The following DOCK3 variants were observed in gnomAD, a reference collection of about 807,000 sequenced individuals.
The protein encoded by DOCK3 is dedicator of cytokinesis protein 3.
A neutral mutation model predicts 265.6 loss-of-function variants in DOCK3; 60 were observed. That is an observed-to-expected ratio of 0.23 (90% CI 0.18 to 0.28). DOCK3 has a LOEUF of 0.28. DOCK3 is among the 10% of genes least tolerant of loss of function. The probability of loss-of-function intolerance (pLI) is 1.00; values close to 1 mark genes in which losing one functional copy is unlikely to be tolerated. For missense variants in DOCK3, 1,981 were observed against 2,594.3 expected (o/e 0.76, Z 5.14); for synonymous variants, 881 against 938.0 (o/e 0.94, Z 1.11).
At chr3:50,986,337 C>T (rs549432592) in intron 5 of DOCK3, among the ~76,000 whole-genome samples, 4 of 152,208 alleles carry the variant, frequency 2.6e-5, no homozygotes, top group Non-Finnish European at 5.9e-5. Context: ...CCCTTTAATG[C>T]TATCTAACAA....
At chr3:51,284,905 G>C (rs1490593893) in intron 27 of DOCK3, among the ~76,000 whole-genome samples, 9 of 152,170 alleles carry the variant, frequency 5.9e-5, no homozygotes, top group Admixed American at 3.3e-4. Context: ...AGAAAGCCAA[G>C]AGGTAGACAT....
At chr3:51,028,000 A>G (rs750606618) in intron 5 of DOCK3, among the ~76,000 whole-genome samples, 1 of 152,076 alleles carries the variant, frequency 6.6e-6, no homozygotes, top group Non-Finnish European at 1.5e-5. Flanking sequence ...GTTACTTTGT[A>G]GGCTGGAATG....
At chr3:50,787,602 C>G in intron 2 of DOCK3, 4 of 1,164,366 alleles carry the variant, frequency 3.4e-6, no homozygotes, top group Non-Finnish European at 5.0e-6. Flanking sequence ...GTGCTTCAGG[C>G]TCCTTTGTTT....
chr3:51,314,776 C>A (rs1029874254), intron 31 of DOCK3, among the ~76,000 whole-genome samples: 1 of 152,074 alleles, frequency 6.6e-6, no homozygotes, highest in African/African-American at 2.4e-5. Flanking sequence ...GTGACAGTTG[C>A]GCATTTGCTT....
chr3:50,733,371 A>G (rs1156906510), intron 1 of DOCK3, among the ~76,000 whole-genome samples: 1 of 152,034 alleles, frequency 6.6e-6, no homozygotes, highest in African/African-American at 2.4e-5. Context: ...TCCCCTTTAG[A>G]TCTGTTAATA....
intron 1 of DOCK3, among the ~76,000 whole-genome samples, chr3:50,698,539 T>TTTTTTTTTTTTTTTTTTTTTTTTTTTTTC (rs2035818370): frequency 7.9e-6 from 1 of 126,148 alleles, no homozygotes; most frequent in Non-Finnish European, 1.6e-5. Flanking sequence ...TTTTTTTTTT[T>TTTTTTTTTTTTTTTTTTTTTTTTTTTTTC]TTTGCTATAT....
intron 28 of DOCK3, 51 bp from the exon 29 acceptor site, chr3:51,311,953 A>G (rs112815690): frequency 4.3e-6 from 6 of 1,410,974 alleles, no homozygotes; most frequent in African/African-American, 1.4e-5. Flanking sequence ...AAGCCATCAG[A>G]TGCCATTGTT....
At chr3:50,875,529 A>G (rs1439270332) in intron 3 of DOCK3, among the ~76,000 whole-genome samples, 2 of 152,156 alleles carry the variant, frequency 1.3e-5, no homozygotes, top group African/African-American at 4.8e-5. Context: ...GAACTTTATC[A>G]AATGCTTTTT....
chr3:51,047,866 C>T (rs908918420), intron 5 of DOCK3, among the ~76,000 whole-genome samples: 1 of 152,068 alleles, frequency 6.6e-6, no homozygotes, highest in African/African-American at 2.4e-5. Flanking sequence ...GAAGGAGGAG[C>T]ACTTCCAACT....
At chr3:51,048,366 G>A (rs2080855774) in intron 5 of DOCK3, among the ~76,000 whole-genome samples, 2 of 152,084 alleles carry the variant, frequency 1.3e-5, no homozygotes, top group Admixed American at 1.3e-4. Flanking sequence ...CATGGTACAG[G>A]TTGAATATCC....
chr3:51,039,911 A>G (rs1159688450), intron 5 of DOCK3, among the ~76,000 whole-genome samples: 1 of 141,646 alleles, frequency 7.1e-6, no homozygotes, highest in Admixed American at 7.2e-5. Context: ...TTTTTAACAT[A>G]TAAGACCTCA....
At chr3:51,380,104 C>G in intron 51 of DOCK3, 21 bp from the exon 52 acceptor site, 1 of 1,609,852 alleles carries the variant, frequency 6.2e-7, no homozygotes, top group Non-Finnish European at 8.5e-7. Context: ...AGCTGAGGCT[C>G]TGGTTCTGTT....
intron 1 of DOCK3, among the ~76,000 whole-genome samples, chr3:50,773,593 A>C (rs1312805934): frequency 6.6e-6 from 1 of 152,070 alleles, no homozygotes; most frequent in Non-Finnish European, 1.5e-5. Flanking sequence ...GGCCTCGATA[A>C]AGAGTTTGTT....
intron 3 of DOCK3, among the ~76,000 whole-genome samples, chr3:50,889,444 T>C (rs183920325): frequency 1.0e-3 from 155 of 151,972 alleles, no homozygotes; most frequent in East Asian, 7.9e-3. Flanking sequence ...GAAACATTGA[T>C]TGGAAAACTG....
Position 51,361,734 on chromosome 3 carries a change from C to T in DOCK3, c.5007-125C>T. On this transcript the variant is annotated intron_variant, in intron 47 of 52. Transcript: ENST00000266037. The surrounding 1 kb of genome is among the most constrained non-coding windows in gnomAD (Gnocchi z 4.2). The stretch of plus-strand genomic sequence containing the variant: ...GGCCTCAGATGGGTATGAGCATTGA[C>T]TATGGAACCCTCCAAACCGGTGGTA... The T allele has an allele frequency of 1.5e-6, 2 of 1,322,204 alleles. No individual in the cohort carries two copies. The highest frequency in any genetic ancestry group is 1.0e-6 in the Non-Finnish European group (1 of 972,224). The allele number at this position is 1,322,204 out of a possible 1,614,324, so 81.9% of individuals were successfully genotyped here. A position where few individuals can be genotyped will look rare whatever the true frequency, so the allele number is the denominator to read the frequency against.
At chr3:51,154,004 G>T (rs2085732828) in intron 10 of DOCK3, among the ~76,000 whole-genome samples, 1 of 152,226 alleles carries the variant, frequency 6.6e-6, no homozygotes, top group Non-Finnish European at 1.5e-5. Context: ...CACTGACCTT[G>T]CTTATGGTGT....
chr3:51,230,644 G>A (rs1245639889), intron 19 of DOCK3, among the ~76,000 whole-genome samples: 1 of 152,126 alleles, frequency 6.6e-6, no homozygotes, highest in Non-Finnish European at 1.5e-5. Context: ...AGGCTCCAGA[G>A]TAGCTAGGAC....
intron 3 of DOCK3, among the ~76,000 whole-genome samples, chr3:50,886,187 G>GATATATATATATATAT (rs141280910): frequency 7.5e-6 from 1 of 132,750 alleles, no homozygotes; most frequent in Non-Finnish European, 1.7e-5. Context: ...TTATTTTGGA[G>GATATATATATATATAT]ATATATATAT....
chr3:51,302,691 C>A (rs1365047281), intron 27 of DOCK3, among the ~76,000 whole-genome samples: 2 of 152,068 alleles, frequency 1.3e-5, no homozygotes, highest in Non-Finnish European at 2.9e-5. Flanking sequence ...TTCGTTTGGC[C>A]AGATATGAAA....
Sources: allele counts gnomAD v4.1 joint callset (sites outside exome capture counted in the v4.1 genomes callset), GRCh38; gene constraint gnomAD v4.1.1; non-coding constraint Gnocchi (gnomAD v3.1); transcripts MANE v1.5; gene names NCBI Gene and HGNC (gene_info 2026-07-23, HGNC 2026-07-21).